The following DOK6 variants were observed in gnomAD, a reference collection of about 807,000 sequenced individuals.
DOK6 encodes the protein docking protein 6.
A neutral mutation model predicts 44.0 loss-of-function variants in DOK6; 22 were observed. That is an observed-to-expected ratio of 0.50 (90% CI 0.36 to 0.71). The LOEUF (loss-of-function observed/expected upper bound fraction) is 0.71. Ranked by LOEUF, DOK6 falls within the 30% of genes least tolerant of loss-of-function variation. The probability of loss-of-function intolerance (pLI) is 0.00; values close to 1 mark genes in which losing one functional copy is unlikely to be tolerated. For synonymous variants in DOK6, 166 were observed against 145.5 expected, an observed-to-expected ratio of 1.14 and a Z score of -1.01; for missense variants, 340 against 416.4, an observed-to-expected ratio of 0.82 and a Z score of 1.60.
intron 1 of DOK6, among the ~76,000 whole-genome samples, chr18:69,458,716 T>G (rs1979696959): frequency 6.6e-6 from 1 of 151,732 alleles, no homozygotes; most frequent in South Asian, 2.1e-4. Context: ...TGTACAAAAA[T>G]CAGTAGCATT....
At chr18:69,626,703 T>C (rs1043230798) in intron 3 of DOK6, among the ~76,000 whole-genome samples, 7 of 152,170 alleles carry the variant, frequency 4.6e-5, no homozygotes, top group African/African-American at 1.7e-4. Flanking sequence ...ATCGAGGTGC[T>C]CATCAAAGTT....
chr18:69,491,756 G>A (rs1159425463), intron 1 of DOK6, among the ~76,000 whole-genome samples: 1 of 152,182 alleles, frequency 6.6e-6, no homozygotes, highest in East Asian at 1.9e-4. Context: ...CTTGGAGATT[G>A]TTTATTGTAT....
chr18:69,751,503 G>C (rs138662507), intron 6 of DOK6, among the ~76,000 whole-genome samples: 24 of 152,070 alleles, frequency 1.6e-4, no homozygotes, highest in Middle Eastern at 3.2e-3. Flanking sequence ...AATATATATA[G>C]AGCAGGAAAT....
chr18:69,533,909 TTAGA>T (rs1982050725), intron 1 of DOK6, among the ~76,000 whole-genome samples: 1 of 152,136 alleles, frequency 6.6e-6, no homozygotes, highest in African/African-American at 2.4e-5. Context: ...TTCATTCTCT[TTAGA>T]TAGAGATAGA....
At chr18:69,780,974 C>T (rs1980246996) in intron 7 of DOK6, among the ~76,000 whole-genome samples, 1 of 151,966 alleles carries the variant, frequency 6.6e-6, no homozygotes, top group African/African-American at 2.4e-5. Flanking sequence ...TGTAGATCTC[C>T]ACCGATTTCT....
chr18:69,671,327 G>T (rs573734758), intron 3 of DOK6, among the ~76,000 whole-genome samples: 1 of 152,292 alleles, frequency 6.6e-6, no homozygotes, highest in East Asian at 1.9e-4. Context: ...GAAAGTTGAT[G>T]TATCAACCTG....
chr18:69,670,979 A>G (rs1468404318), intron 3 of DOK6, among the ~76,000 whole-genome samples: 1 of 151,052 alleles, frequency 6.6e-6, no homozygotes, highest in Non-Finnish European at 1.5e-5. Flanking sequence ...CCCTCCCCCA[A>G]CACACACACA....
At chr18:69,714,078 G>A (rs1359906396) in intron 5 of DOK6, among the ~76,000 whole-genome samples, 5 of 152,060 alleles carry the variant, frequency 3.3e-5, no homozygotes. Context: ...TAAACGTGCT[G>A]GTGAGAAAAC....
chr18:69,620,866 G>C (rs1984424591), intron 3 of DOK6, among the ~76,000 whole-genome samples: 1 of 152,104 alleles, frequency 6.6e-6, no homozygotes, highest in Non-Finnish European at 1.5e-5. Flanking sequence ...TTATGTACAA[G>C]AAACTTCAAA....
intron 1 of DOK6, among the ~76,000 whole-genome samples, chr18:69,497,742 G>T (rs73468850): frequency 6.6e-6 from 1 of 152,198 alleles, no homozygotes; most frequent in East Asian, 1.9e-4. Flanking sequence ...AATTTAGGTC[G>T]CACATCAACT....
In DOK6 at chr18:69,595,765, A is replaced by C. The variant is rs578128459; in HGVS notation, c.175-3619A>C. On this transcript the variant is annotated intron_variant, in intron 2 of 7. Coordinates refer to ENST00000382713, the MANE Select transcript of DOK6 (RefSeq NM_152721.6). ...ATGTGAATTTATGAGTTATGAGATTAATAATTTATTTTGGTGCAAAAAATT... is the reference window on the plus strand; with the variant it reads ...ATGTGAATTTATGAGTTATGAGATTCATAATTTATTTTGGTGCAAAAAATT... Among the ~76,000 whole-genome samples the C allele has an allele frequency of 3.3e-5, 5 of 152,294 alleles. No homozygotes were observed. The East Asian group carries it at 9.6e-4, about 29-fold the overall frequency.
At chr18:69,749,127 T>C (rs12960205) in intron 6 of DOK6, among the ~76,000 whole-genome samples, 2 of 151,422 alleles carry the variant, frequency 1.3e-5, no homozygotes, top group Non-Finnish European at 2.9e-5. Context: ...GACACAGGGA[T>C]GGGGACAACA....
chr18:69,742,680 A>G (rs913093972), intron 6 of DOK6, among the ~76,000 whole-genome samples: 2 of 152,224 alleles, frequency 1.3e-5, no homozygotes, highest in Non-Finnish European at 2.9e-5. Context: ...GTACAGGGAA[A>G]TACAAGAGGA....
At chr18:69,553,710 T>C (rs868007569) in intron 1 of DOK6, among the ~76,000 whole-genome samples, 2 of 152,182 alleles carry the variant, frequency 1.3e-5, no homozygotes, top group Non-Finnish European at 2.9e-5. Flanking sequence ...GAAGCCCCAG[T>C]ACAACCACTT....
chr18:69,486,012 C>G (rs961072615), intron 1 of DOK6, among the ~76,000 whole-genome samples: 2 of 151,694 alleles, frequency 1.3e-5, no homozygotes, highest in East Asian at 3.9e-4. Context: ...TACTCATTCT[C>G]TTTTGGTCTA....
intron 2 of DOK6, among the ~76,000 whole-genome samples, chr18:69,589,445 T>C (rs895733077): frequency 7.1e-6 from 1 of 141,280 alleles, no homozygotes; most frequent in African/African-American, 2.6e-5. Flanking sequence ...GTAAAATTTA[T>C]GTTCTAATTC....
intron 1 of DOK6, among the ~76,000 whole-genome samples, chr18:69,543,507 A>G (rs2144582656): frequency 6.6e-6 from 1 of 151,652 alleles, no homozygotes; most frequent in East Asian, 1.9e-4. Flanking sequence ...TTTTCCCCCA[A>G]GTCCAAGTTC....
rs912455985 is a variant in DOK6, at chr18:69,843,151, C to G, written c.*1768C>G. 1 of 152,118 alleles carries G rather than the reference C, an allele frequency of 6.6e-6. No individual in the cohort carries two copies. The highest frequency in any genetic ancestry group is 1.5e-5 in the Non-Finnish European group (1 of 68,018). 9.4% of individuals were successfully genotyped at this position (152,118 alleles called of 1,614,324 possible). Reference sequence around the variant, plus strand: ...ATGAAAACCCCATCAAGATACTAATCGTAAGAGTTAATGTGGCTGCAAAAA... The same window carrying G: ...ATGAAAACCCCATCAAGATACTAATGGTAAGAGTTAATGTGGCTGCAAAAA... On this transcript the variant is annotated 3_prime_UTR_variant, in exon 8 of 8. Transcript: ENST00000382713.
chr18:69,546,315 T>C (rs1000018623), intron 1 of DOK6, among the ~76,000 whole-genome samples: 1 of 147,664 alleles, frequency 6.8e-6, no homozygotes, highest in Non-Finnish European at 1.5e-5. Context: ...TTGAGAAAAA[T>C]AGATATACAT....
Sources: allele counts gnomAD v4.1 joint callset (sites outside exome capture counted in the v4.1 genomes callset), GRCh38; gene constraint gnomAD v4.1.1; transcripts MANE v1.5; gene names NCBI Gene and HGNC (gene_info 2026-07-23, HGNC 2026-07-21).